Variants in NPSR1 observed in about 807,000 individuals in gnomAD.
The protein encoded by NPSR1 is neuropeptide S receptor.
A neutral mutation model predicts 46.9 loss-of-function variants in NPSR1; 48 were observed. That is an observed-to-expected ratio of 1.02 (90% CI 0.81 to 1.30). NPSR1 has a LOEUF of 1.30. NPSR1 is among the 50% of genes most tolerant of loss of function. The probability of loss-of-function intolerance (pLI) is 0.00; values close to 1 mark genes in which losing one functional copy is unlikely to be tolerated. For missense variants in NPSR1, 450 were observed against 449.5 expected, an observed-to-expected ratio of 1.00 and a Z score of -0.01; for synonymous variants, 176 against 168.1, an observed-to-expected ratio of 1.05 and a Z score of -0.36.
At chr7:34,689,863 G>A (rs1793156713) in intron 2 of NPSR1, among the ~76,000 whole-genome samples, 1 of 150,760 alleles carries the variant, frequency 6.6e-6, no homozygotes, top group Non-Finnish European at 1.5e-5. Context: ...GAGAATTATT[G>A]GTGCCCAGAA....
chr7:34,874,290 T>C (rs1562782022), intron 8 of NPSR1, among the ~76,000 whole-genome samples: 1 of 152,214 alleles, frequency 6.6e-6, no homozygotes, highest in African/African-American at 2.4e-5. Context: ...TAATATTGCC[T>C]GTCAGGATCT....
At chr7:34,810,042 G>A (rs907431082) in intron 3 of NPSR1, among the ~76,000 whole-genome samples, 1 of 152,120 alleles carries the variant, frequency 6.6e-6, no homozygotes, top group African/African-American at 2.4e-5. Flanking sequence ...CACAACATTA[G>A]TGCTGAGATG....
intron 2 of NPSR1, among the ~76,000 whole-genome samples, chr7:34,739,399 CT>C (rs1784830363): frequency 6.6e-6 from 1 of 152,128 alleles, no homozygotes; most frequent in Non-Finnish European, 1.5e-5. Flanking sequence ...CTTGCCAGCA[CT>C]TGTTATTTTC....
chr7:34,873,274 C>G (rs1791498477), intron 8 of NPSR1, among the ~76,000 whole-genome samples: 1 of 151,748 alleles, frequency 6.6e-6, no homozygotes, highest in South Asian at 2.1e-4. Flanking sequence ...CTGAAACCTC[C>G]AAATTCTTCC....
intron 2 of NPSR1, among the ~76,000 whole-genome samples, chr7:34,712,321 C>T (rs1022495845): frequency 1.3e-5 from 2 of 152,196 alleles, no homozygotes; most frequent in Non-Finnish European, 2.9e-5. Flanking sequence ...CTCCACTCTA[C>T]TTTTCCATTT....
intron 8 of NPSR1, among the ~76,000 whole-genome samples, chr7:34,870,408 C>G (rs150632787): frequency 6.6e-6 from 1 of 151,766 alleles, no homozygotes; most frequent in African/African-American, 2.4e-5. Flanking sequence ...TGTCATCAGA[C>G]TTCATTTTAG....
chr7:34,687,655 T>C (rs893403917), intron 2 of NPSR1, among the ~76,000 whole-genome samples: 2 of 152,088 alleles, frequency 1.3e-5, no homozygotes, highest in East Asian at 3.9e-4. Context: ...CCTTGACACA[T>C]GGGGGTTATT....
chr7:34,696,585 C>T (rs765562665), intron 2 of NPSR1, among the ~76,000 whole-genome samples: 36 of 151,918 alleles, frequency 2.4e-4, no homozygotes, highest in Non-Finnish European at 4.9e-4. Context: ...AATAGTTAAA[C>T]TTAGCGGCAA....
intron 2 of NPSR1, among the ~76,000 whole-genome samples, chr7:34,747,261 A>C (rs1583933721): frequency 6.6e-6 from 1 of 152,032 alleles, no homozygotes; most frequent in Non-Finnish European, 1.5e-5. Context: ...TCTGTAACCC[A>C]CCCTACCCAC....
intron 2 of NPSR1, among the ~76,000 whole-genome samples, chr7:34,767,650 A>C (rs1786497378): frequency 6.6e-6 from 1 of 152,188 alleles, no homozygotes; most frequent in Admixed American, 6.5e-5. Context: ...ATAGTCTAAA[A>C]TATATGTCAT....
chr7:34,858,871 G>GA lies in NPSR1; in HGVS notation c.1025+10209dup, dbSNP rs531786424. Among the ~76,000 whole-genome samples the GA allele has an allele frequency of 1.1e-3, 173 of 151,808 alleles. 6 individuals are homozygous for GA. The South Asian group carries it at 0.034, about 30-fold the overall frequency. On this transcript the variant is annotated intron_variant, in intron 8 of 8. Coordinates refer to the NPSR1 transcript ENST00000359791. ...GCTACAGGATGAGATCTGGGGGGGG[G>GA]ACACAGATCCAAACCATATCAGTGA...
rs983758469 is a variant in NPSR1 at position 34,710,903 on chromosome 7, T to C, written c.280+26219T>C. 23 of 405,288 alleles carry C rather than the reference T, an allele frequency of 5.7e-5. 1 individual carries two copies. The highest frequency in any genetic ancestry group is 2.2e-4 in the Admixed American group (7 of 32,254). 25.1% of individuals were successfully genotyped at this position (405,288 alleles called of 1,614,324 possible). On this transcript the variant is annotated intron_variant, in intron 2 of 8. Transcript: ENST00000360581. ...CTTCCAAAGGCAAGTTGGAAGCTTA[T>C]TGATGAAAAAGTGAAACACTATCAC...
At chr7:34,836,862 T>G (rs1375832019) in intron 6 of NPSR1, among the ~76,000 whole-genome samples, 1 of 152,202 alleles carries the variant, frequency 6.6e-6, no homozygotes, top group East Asian at 1.9e-4. Flanking sequence ...ATAATAATTA[T>G]ATAGCCATAC....
At chr7:34,811,292 T>A (rs1033915975) in intron 3 of NPSR1, among the ~76,000 whole-genome samples, 7 of 152,150 alleles carry the variant, frequency 4.6e-5, no homozygotes, top group African/African-American at 1.4e-4. Context: ...GGGAAGATGA[T>A]CTTCCCCTGG....
At position 34,824,098 on chromosome 7, in the gene NPSR1, C is replaced by T. The variant is rs137896286; in HGVS notation, c.479-3303C>T. On this transcript the variant is annotated intron_variant, in intron 4 of 8. Coordinates refer to ENST00000360581, the MANE Select transcript of NPSR1 (RefSeq NM_207172.2). ...TTAGGTTACAAGGTAGGATCTGTAT[C>T]ATGATCTCATTTCTAAATGTGTAAT... 1.3e-4 allele frequency among the ~76,000 whole-genome samples: 20 copies of T among 152,310 alleles called. No individual in the cohort carries two copies. In the East Asian group the frequency reaches 3.5e-3, roughly 26 times the overall value.
At chr7:34,714,115 G>A (rs1046853221) in intron 2 of NPSR1, among the ~76,000 whole-genome samples, 16 of 152,240 alleles carry the variant, frequency 1.1e-4, no homozygotes, top group Non-Finnish European at 1.5e-5. Context: ...GCTGTCCGCT[G>A]GAAGTCTGGC....
chr7:34,829,173 A>G (rs1409091663), intron 5 of NPSR1, among the ~76,000 whole-genome samples: 2 of 152,222 alleles, frequency 1.3e-5, no homozygotes, highest in African/African-American at 4.8e-5. Context: ...TCATAAGAGT[A>G]GAATTAAGAC....
At chr7:34,756,740 G>A (rs550223754) in intron 2 of NPSR1, among the ~76,000 whole-genome samples, 1 of 152,190 alleles carries the variant, frequency 6.6e-6, no homozygotes, top group Admixed American at 6.5e-5. Flanking sequence ...GGAGGACAAA[G>A]TCTAGCGACC....
intron 8 of NPSR1, among the ~76,000 whole-genome samples, chr7:34,875,472 A>C (rs1450528206): frequency 6.6e-6 from 1 of 152,198 alleles, no homozygotes; most frequent in Non-Finnish European, 1.5e-5. Flanking sequence ...AATGAGATGG[A>C]AGGCTGCAAA....
Sources: gnomAD v4.1 joint callset for allele counts (sites outside exome capture counted in the v4.1 genomes callset) on GRCh38, gnomAD v4.1.1 for gene constraint, MANE v1.5 for transcripts, NCBI Gene and HGNC (gene_info 2026-07-23, HGNC 2026-07-21) for gene names.